PODNL1: variants seen among roughly 807,000 people sequenced by gnomAD.
PODNL1 encodes podocan-like protein 1.
Under a neutral mutation model 45.1 loss-of-function variants are expected in PODNL1, and 50 were observed. That is an observed-to-expected ratio of 1.11 (90% confidence interval 0.88 to 1.40). The LOEUF (loss-of-function observed/expected upper bound fraction) is 1.40, where lower values mean the gene tolerates loss of function less well. Ranked by LOEUF, PODNL1 falls within the 40% of genes most tolerant of loss-of-function variation. PODNL1 has a pLI of 0.00. For missense variants in PODNL1, 788 were observed against 793.3 expected, an observed-to-expected ratio of 0.99 and a Z score of 0.08; for synonymous variants, 406 against 372.5, an observed-to-expected ratio of 1.09 and a Z score of -1.04.
intron 6 of PODNL1, 87 bp from the exon 7 acceptor site, chr19:13,934,080 G>C: frequency 2.1e-6 from 3 of 1,403,886 alleles, no homozygotes; most frequent in Non-Finnish European, 3.0e-6. Flanking sequence ...GGAGTGACGA[G>C]GAGCTTGCCT....
chr19:13,937,760 C>T (rs774372452), intron 2 of PODNL1, 25 bp downstream of exon 2: 64 of 1,554,706 alleles, frequency 4.1e-5, no homozygotes, highest in Non-Finnish European at 5.2e-5. Flanking sequence ...CCCTGCATGC[C>T]CCCACTCCCC....
chr19:13,947,170 GAAAAAAAA>G (rs758733245), intron 1 of PODNL1, among the ~76,000 whole-genome samples: 4 of 27,040 alleles, frequency 1.5e-4, no homozygotes, highest in Non-Finnish European at 2.2e-4. Context: ...CTCCATCTCA[GAAAAAAAA>G]AAAAAAAAAA....
In PODNL1 at chr19:13,933,012, C is replaced by G; in HGVS notation, c.1211G>C (p.Arg404Pro). ...CTGATTCCCTGCCAGGTCGAGGCTG[C>G]GCAGGGCACGCAACCGGCGGAAGGC... ...HRAFRRLRAL[R>P]SLDLAGNQLT... Residue 404 changes from arginine (R) to proline (P), a missense_variant, in exon 8 of 10, where the codon CGC becomes CCC. By Grantham distance (103) the Arg-to-Pro change is moderately radical. This residue lies in a region of PODNL1 where 762 missense variants were observed against 750.9 expected (regional missense o/e 1.01). Coordinates refer to ENST00000588872, the MANE Select transcript of PODNL1 (RefSeq NM_001370095.3). The surrounding 1 kb of genome is among the most constrained non-coding windows in gnomAD (Gnocchi z 5.2). The G allele has an allele frequency of 6.5e-7, 1 of 1,540,506 alleles. No homozygotes were observed. Among genetic ancestry groups the G allele is most frequent in the Non-Finnish European group, 8.7e-7 (1 of 1,148,734 alleles).
rs567509458 is a variant in PODNL1, at chr19:13,944,016, A to G, written c.19-6010T>C. Among the ~76,000 whole-genome samples the G allele has an allele frequency of 9.9e-5, 15 of 152,226 alleles. No individual in the cohort carries two copies. In the South Asian group the frequency reaches 3.1e-3, roughly 32 times the overall value. On this transcript the variant is annotated intron_variant, in intron 1 of 7. Transcript: ENST00000538371. ...AAAAAAATTGCAGAATGATGCTAAC[A>G]ATGTAGATCATTTCCATATATTAAA...
rs560228403 is a variant in PODNL1, at chr19:13,932,893, C to T, written c.1330G>A (p.Gly444Ser). 29 of 1,602,882 alleles carry T rather than the reference C, an allele frequency of 1.8e-5. No homozygotes were observed. The East Asian group carries it at 2.7e-4, about 15-fold the overall frequency. ...LRMLEPEPLA[G>S]LDQLRELSLA... ...CTGAGCTCCCGCAGTTGGTCCAGGCCGGCCAGAGGCTCGGGCTCGAGCATC... is the reference window on the plus strand; with the variant it reads ...CTGAGCTCCCGCAGTTGGTCCAGGCTGGCCAGAGGCTCGGGCTCGAGCATC... The change falls in exon 8 of 10, where the codon GGC (glycine) becomes AGC (serine). Residue 444 changes from glycine (G) to serine (S), a missense_variant. This residue lies in a region of PODNL1 where 762 missense variants were observed against 750.9 expected (regional missense o/e 1.01). Coordinates refer to ENST00000588872, the MANE Select transcript of PODNL1 (RefSeq NM_001370095.3).
chr19:13,939,252 C>T (rs1163776652), upstream of PODNL1, among the ~76,000 whole-genome samples: 2 of 152,284 alleles, frequency 1.3e-5, no homozygotes, highest in East Asian at 3.9e-4. Flanking sequence ...CACTCTGTCG[C>T]CTAGGCTGGA....
Position 13,934,142 on chromosome 19 carries a change from C to T in PODNL1, c.651+112G>A, listed in dbSNP as rs541544817. On this transcript the variant is annotated intron_variant, in intron 6 of 9. Coordinates refer to ENST00000588872, the MANE Select transcript of PODNL1 (RefSeq NM_001370095.3). Reference sequence around the variant, plus strand: ...TGATTCAAAGAAGGATAACTCTGACCACTGGCATTCTGAGGGGCAATTGAG... The same window carrying T: ...TGATTCAAAGAAGGATAACTCTGACTACTGGCATTCTGAGGGGCAATTGAG... 4.9e-4 allele frequency: 670 copies of T among 1,371,186 alleles called. 10 individuals are homozygous for T. In the South Asian group the frequency reaches 9.2e-3, roughly 19 times the overall value. The allele number at this position is 1,371,186 out of a possible 1,614,324, so 84.9% of individuals were successfully genotyped here.
chr19:13,949,827 G>A (rs1257454753), intron 1 of PODNL1, among the ~76,000 whole-genome samples: 1 of 151,856 alleles, frequency 6.6e-6, no homozygotes, highest in Non-Finnish European at 1.5e-5. Flanking sequence ...TTACGTAGCT[G>A]GGACTGTAGG....
upstream of PODNL1, among the ~76,000 whole-genome samples, chr19:13,941,761 C>T (rs1199368167): frequency 2.6e-5 from 4 of 151,936 alleles, 1 homozygote; most frequent in South Asian, 4.2e-4. Context: ...TGCAGTGAGC[C>T]GAGATTGCAT....
chr19:13,934,308 C>T lies in PODNL1; in HGVS notation c.597G>A (p.Gln199=). 1.3e-6 allele frequency: 2 copies of T among 1,546,798 alleles called. No individual in the cohort carries two copies. Among genetic ancestry groups the T allele is most frequent in the South Asian group, 1.2e-5 (1 of 80,034 alleles). The change falls in exon 6 of 10, where the codon CAG becomes CAA. Residue 199 remains glutamine (Q), a synonymous_variant. Coordinates refer to ENST00000588872, the MANE Select transcript of PODNL1 (RefSeq NM_001370095.3). ...GCAGGCTGGGCGGCAGGTAGCTGAGCTGGTTGTTGGAGAGGCTGAGGGTGG... is the reference window on the plus strand; with the variant it reads ...GCAGGCTGGGCGGCAGGTAGCTGAGTTGGTTGTTGGAGAGGCTGAGGGTGG... ...AIATLSLSNN[Q]LSYLPPSLPP... is the part of the protein sequence containing the mutation.
chr19:13,940,520 G>A (rs1186591822), upstream of PODNL1, among the ~76,000 whole-genome samples: 4 of 131,416 alleles, frequency 3.0e-5, no homozygotes, highest in Non-Finnish European at 4.6e-5. Context: ...GCAGTGAGCC[G>A]AGATCACGCC....
chr19:13,932,823 G>A lies in PODNL1; in HGVS notation c.1400C>T (p.Thr467Ile), dbSNP rs1972041981. ...CTGGAGGGCTTGGAGCTCATGCCAG[G>A]TGCCTGGCCCGATGTCGCCGACCCG... The part of the protein sequence containing the change: ...RLRVGDIGPG[T>I]WHELQALQML... Residue 467 changes from threonine (T) to isoleucine (I), a missense_variant, in exon 8 of 10, where the codon ACC becomes ATC. Physicochemically the swap from Thr to Ile is moderately conservative, Grantham distance 89. Around this residue, in one of 3 missense-constraint regions of PODNL1, gnomAD observed 762 missense variants for 750.9 expected, o/e 1.01. Coordinates refer to ENST00000588872, the MANE Select transcript of PODNL1 (RefSeq NM_001370095.3). 6.2e-7 allele frequency: 1 copy of A among 1,612,954 alleles called. No individual in the cohort carries two copies. The highest frequency in any genetic ancestry group is 8.5e-7 in the Non-Finnish European group (1 of 1,179,998).
intron 5 of PODNL1, among the ~76,000 whole-genome samples, chr19:13,935,004 G>C (rs552087740): frequency 6.6e-6 from 1 of 151,862 alleles, no homozygotes; most frequent in Non-Finnish European, 1.5e-5. Context: ...GCATGAGTGT[G>C]TGCCTGTGTG....
At chr19:13,935,107 T>C (rs113704048) in intron 5 of PODNL1, among the ~76,000 whole-genome samples, 207 of 152,008 alleles carry the variant, frequency 1.4e-3, no homozygotes, top group African/African-American at 4.6e-3. Flanking sequence ...TGTGTTCATG[T>C]GGTTGTGTGT....
In PODNL1 at chr19:13,933,902, C is replaced by T; in HGVS notation, c.743G>A (p.Ser248Asn). 1 of 1,610,870 alleles carries T rather than the reference C, an allele frequency of 6.2e-7. No homozygotes were observed. Among genetic ancestry groups the T allele is most frequent in the Non-Finnish European group, 8.5e-7 (1 of 1,178,690 alleles). ...LYLQHNQLTDSGLDATTFSKL... is the reference protein window; with the variant it reads ...LYLQHNQLTDNGLDATTFSKL... ...CCTGAAGGTGGTGGCATCCAGGCCACTGTCTGTCAGCTGGTTGTGCTGGAG... is the reference window on the plus strand; with the variant it reads ...CCTGAAGGTGGTGGCATCCAGGCCATTGTCTGTCAGCTGGTTGTGCTGGAG... Residue 248 changes from serine to asparagine, a missense_variant, in exon 7 of 10, where the codon AGT becomes AAT. Physicochemically the swap from Ser to Asn is conservative, Grantham distance 46. Around this residue, in one of 3 missense-constraint regions of PODNL1, gnomAD observed 762 missense variants for 750.9 expected, o/e 1.01. Transcript: ENST00000588872. The surrounding 1 kb of genome is among the most constrained non-coding windows in gnomAD (Gnocchi z 5.2).
At chr19:13,936,319 C>A in intron 3 of PODNL1, 48 bp downstream of exon 3, 1 of 1,526,322 alleles carries the variant, frequency 6.6e-7, no homozygotes. Flanking sequence ...GCTGAGACCT[C>A]GGTCAGTCCT....
upstream of PODNL1, among the ~76,000 whole-genome samples, chr19:13,941,988 G>A (rs1972670174): frequency 6.6e-6 from 1 of 152,102 alleles, no homozygotes; most frequent in Admixed American, 6.6e-5. Flanking sequence ...GGGATGGATG[G>A]CCATTAGCTT....
rs577887301 is a variant in PODNL1 at position 13,948,402 on chromosome 19, G to A, written c.18+4717C>T. On this transcript the variant is annotated intron_variant, in intron 1 of 7. Coordinates refer to the PODNL1 transcript ENST00000538371. ...TTTTTTTTGTATTTTTAGTAGAGACGGGGTTTCACCATGTTTAGCCAGGAT... is the reference window on the plus strand; with the variant it reads ...TTTTTTTTGTATTTTTAGTAGAGACAGGGTTTCACCATGTTTAGCCAGGAT... 4.7e-3 allele frequency among the ~76,000 whole-genome samples: 684 copies of A among 146,320 alleles called. 3 individuals are homozygous for A. The highest frequency in any genetic ancestry group is 6.6e-3 in the Non-Finnish European group (440 of 66,508).
chr19:13,934,285 A>G lies in PODNL1; in HGVS notation c.620T>C (p.Leu207Pro). ...NNQLSYLPPS[L>P]PPSLERLHLQ... ...GTGGAGCCGCTCGAGTGAGGGCGGCAGGCTGGGCGGCAGGTAGCTGAGCTG... is the reference window on the plus strand; with the variant it reads ...GTGGAGCCGCTCGAGTGAGGGCGGCGGGCTGGGCGGCAGGTAGCTGAGCTG... Residue 207 changes from leucine to proline, a missense_variant, in exon 6 of 10, where the codon CTG (leucine) becomes CCG (proline). Physicochemically the swap from Leu to Pro is moderately conservative, Grantham distance 98. This residue lies in a region of PODNL1 where 762 missense variants were observed against 750.9 expected (regional missense o/e 1.01). Transcript: ENST00000588872. 1.3e-6 allele frequency: 2 copies of G among 1,533,072 alleles called. No homozygotes were observed. The allele number at this position is 1,533,072 out of a possible 1,614,324, so 95.0% of individuals were successfully genotyped here. A position where few individuals can be genotyped will look rare whatever the true frequency, so the allele number is the denominator to read the frequency against.
Sources: allele counts gnomAD v4.1 joint callset (sites outside exome capture counted in the v4.1 genomes callset), GRCh38; gene constraint gnomAD v4.1.1; regional missense constraint gnomAD v4.1.1; non-coding constraint Gnocchi (gnomAD v3.1); transcripts MANE v1.5; gene names NCBI Gene and HGNC (gene_info 2026-07-23, HGNC 2026-07-21).